PCDHA3: variants seen among roughly 807,000 people sequenced by gnomAD.
PCDHA3 encodes protocadherin alpha-3.
In PCDHA3, 41 loss-of-function variants were observed where a neutral mutation model predicts 62.2. The observed-to-expected ratio is 0.66, with a 90% CI of 0.51 to 0.86. The LOEUF (loss-of-function observed/expected upper bound fraction) is 0.86, where lower values mean the gene tolerates loss of function less well. Among genes scored for constraint, PCDHA3 ranks in the 40% least tolerant of loss-of-function variants. The pLI is 0.00. For synonymous variants in PCDHA3, 640 were observed against 555.4 expected (o/e 1.15, Z -2.14); for missense variants, 1,304 against 1,241.2 (o/e 1.05, Z -0.76).
chr5:140,955,557 C>T (rs1281978824), intron 1 of PCDHA3, among the ~76,000 whole-genome samples: 1 of 152,114 alleles, frequency 6.6e-6, no homozygotes, highest in East Asian at 1.9e-4. Flanking sequence ...GCCTCCCCAG[C>T]CATACTGAAC....
chr5:140,801,354 G>T lies in PCDHA3; in HGVS notation c.157G>T (p.Gly53Trp). Residue 53 changes from glycine (G) to tryptophan (W), a missense_variant, in exon 1 of 4, where the codon GGG (glycine) becomes TGG (tryptophan). By Grantham distance (184) the Gly-to-Trp change is radical (BLOSUM62 -2). Transcript: ENST00000522353. The stretch of plus-strand genomic sequence containing the variant: ...CGTGGGCCGCATCGCGCAGGACCTG[G>T]GGCTGGAGCTGGCGGAGCTGGTGCC... ...TFVGRIAQDL[G>W]LELAELVPRL... 1 of 1,613,438 alleles carries T rather than the reference G, an allele frequency of 6.2e-7. No homozygotes were observed. Among genetic ancestry groups the T allele is most frequent in the East Asian group, 2.2e-5 (1 of 44,890 alleles).
At chr5:140,843,846 C>A in intron 1 of PCDHA3, 3 of 993,808 alleles carry the variant, frequency 3.0e-6, no homozygotes, top group Non-Finnish European at 4.4e-6. Context: ...TTTTAGAAAC[C>A]TTTTATAATT....
intron 1 of PCDHA3, chr5:140,929,048 G>A (rs782818540): frequency 1.9e-5 from 31 of 1,614,088 alleles, no homozygotes; most frequent in Middle Eastern, 1.6e-4. Flanking sequence ...CAGAGCTGCT[G>A]TCGCTCTACA....
chr5:140,987,462 A>C (rs2097255249), intron 3 of PCDHA3, among the ~76,000 whole-genome samples: 1 of 152,154 alleles, frequency 6.6e-6, no homozygotes, highest in African/African-American at 2.4e-5. Flanking sequence ...AATTGTTAAG[A>C]GCTCAAGCTT....
intron 1 of PCDHA3, chr5:140,867,274 C>T (rs2049858759): frequency 6.6e-6 from 1 of 151,960 alleles, no homozygotes; most frequent in Non-Finnish European, 1.5e-5. Flanking sequence ...CAAAATAAAC[C>T]TGATGTGCTT....
At chr5:140,840,004 G>A (rs1554137669) in intron 1 of PCDHA3, among the ~76,000 whole-genome samples, 1 of 152,062 alleles carries the variant, frequency 6.6e-6, no homozygotes, top group Non-Finnish European at 1.5e-5. Flanking sequence ...TTAGCACTGA[G>A]AAGATTGGCT....
chr5:140,894,819 G>T (rs974558361), intron 1 of PCDHA3, among the ~76,000 whole-genome samples: 6 of 151,474 alleles, frequency 4.0e-5, no homozygotes, highest in African/African-American at 1.2e-4. Context: ...TATCAGATTT[G>T]CCCATAATCC....
Position 140,835,939 on chromosome 5 carries a change from C to T in PCDHA3, c.2394+32348C>T, listed in dbSNP as rs1352596879. ...CACGCGGAGAGCGGCAAGGTGTACGCGCTGCAGCCGTTGGACCACGAGGAG... is the reference window on the plus strand; with the variant it reads ...CACGCGGAGAGCGGCAAGGTGTACGTGCTGCAGCCGTTGGACCACGAGGAG... On this transcript the variant is annotated intron_variant, in intron 1 of 3. Coordinates refer to ENST00000522353, the MANE Select transcript of PCDHA3 (RefSeq NM_018906.3). 4 of 1,612,400 alleles carry T rather than the reference C, an allele frequency of 2.5e-6. No homozygotes were observed. The African/African-American group carries it at 5.3e-5, about 22-fold the overall frequency.
intron 1 of PCDHA3, among the ~76,000 whole-genome samples, chr5:140,874,668 A>G (rs1424174427): frequency 6.6e-6 from 1 of 152,238 alleles, no homozygotes; most frequent in African/African-American, 2.4e-5. Context: ...TCCAGAATCT[A>G]TTCCTGAGAT....
intron 1 of PCDHA3, chr5:140,882,698 G>C: frequency 1.2e-6 from 2 of 1,614,200 alleles, no homozygotes; most frequent in Non-Finnish European, 1.7e-6. Flanking sequence ...AATCATTGCA[G>C]AATCTAGACC....
chr5:140,856,105 C>T (rs1287720041), intron 1 of PCDHA3: 2 of 1,598,000 alleles, frequency 1.3e-6, no homozygotes, highest in Non-Finnish European at 1.7e-6. Flanking sequence ...CGCTTCTTCT[C>T]CTCGCAGCCT....
chr5:140,874,917 T>G (rs2153317662), intron 1 of PCDHA3, among the ~76,000 whole-genome samples: 2 of 152,292 alleles, frequency 1.3e-5, no homozygotes, highest in Middle Eastern at 6.8e-3. Flanking sequence ...GGAGTGCTTG[T>G]GAAGGTTAAA....
chr5:140,949,798 A>G (rs1021470816), intron 1 of PCDHA3, among the ~76,000 whole-genome samples: 1 of 151,786 alleles, frequency 6.6e-6, no homozygotes, highest in South Asian at 2.1e-4. Context: ...GTGTCCTTCA[A>G]TACATTATTT....
intron 1 of PCDHA3, among the ~76,000 whole-genome samples, chr5:140,952,792 T>C (rs2094798499): frequency 6.6e-6 from 1 of 152,210 alleles, no homozygotes; most frequent in African/African-American, 2.4e-5. Flanking sequence ...GAGGTTTAAC[T>C]GGCTCGCAGT....
intron 3 of PCDHA3, among the ~76,000 whole-genome samples, chr5:140,986,151 G>T (rs547474191): frequency 6.6e-6 from 1 of 152,316 alleles, no homozygotes; most frequent in East Asian, 1.9e-4. Flanking sequence ...GCATCACCAA[G>T]TAATGTTTTC....
At chr5:140,943,083 C>A (rs1444637785) in intron 1 of PCDHA3, among the ~76,000 whole-genome samples, 1 of 151,532 alleles carries the variant, frequency 6.6e-6, no homozygotes, top group African/African-American at 2.4e-5. Flanking sequence ...ATGGTGAAAT[C>A]CTGCCTCTAC....
At chr5:140,953,025 G>A (rs1408416785) in intron 1 of PCDHA3, among the ~76,000 whole-genome samples, 9 of 152,024 alleles carry the variant, frequency 5.9e-5, no homozygotes, top group African/African-American at 1.9e-4. Flanking sequence ...ACATTAAGGG[G>A]GAAATCCACC....
rs1554144146 is a variant in PCDHA3, at chr5:140,850,293, G to A, written c.2394+46702G>A. 7.5e-6 allele frequency: 12 copies of A among 1,596,282 alleles called. 1 individual carries two copies. Among genetic ancestry groups the A allele is most frequent in the Non-Finnish European group, 1.0e-5 (12 of 1,167,618 alleles). ...GGGGAAGGTGCGCGCAGTGGACGCC[G>A]ACTCGGGCTACAACGCGTGGCTTTC... On this transcript the variant is annotated intron_variant, in intron 1 of 3. Transcript: ENST00000522353.
intron 1 of PCDHA3, chr5:140,968,136 T>C (rs1554230395): frequency 1.2e-6 from 2 of 1,614,102 alleles, no homozygotes; most frequent in South Asian, 2.2e-5. Flanking sequence ...ACACTGAAGG[T>C]TGAGATCTCT....
Sources: gnomAD v4.1 joint callset for allele counts (sites outside exome capture counted in the v4.1 genomes callset) on GRCh38, gnomAD v4.1.1 for gene constraint, MANE v1.5 for transcripts, NCBI Gene and HGNC (gene_info 2026-07-23, HGNC 2026-07-21) for gene names.